Variants in SHOC2 observed in about 807,000 individuals in gnomAD.
SHOC2 encodes the protein leucine-rich repeat protein SHOC-2.
In SHOC2, 4 loss-of-function variants were observed where a neutral mutation model predicts 50.2. That is an observed-to-expected ratio of 0.08 (90% CI 0.04 to 0.18). SHOC2 has a LOEUF of 0.18. SHOC2 is among the 10% of genes least tolerant of loss of function. The pLI is 1.00. For synonymous variants in SHOC2, 218 were observed against 244.5 expected (o/e 0.89, Z 1.01); for missense variants, 388 against 669.6 (o/e 0.58, Z 4.64).
At position 110,974,649 on chromosome 10, in the gene SHOC2, G is replaced by C. The variant is rs140098196; in HGVS notation, c.703+9588G>C. The stretch of plus-strand genomic sequence containing the variant: ...ATTTATCTCAACTTTTGGCATATTA[G>C]TTACACATCTTTGTGGCGTTTTTTT... On this transcript the variant is annotated intron_variant, in intron 2 of 8. Coordinates refer to ENST00000369452, the MANE Select transcript of SHOC2 (RefSeq NM_007373.4). 2.6e-4 allele frequency among the ~76,000 whole-genome samples: 40 copies of C among 151,830 alleles called. No individual in the cohort carries two copies. In the East Asian group the frequency reaches 7.0e-3, roughly 26 times the overall value.
chr10:110,938,714 A>T (rs1847079016), intron 1 of SHOC2, among the ~76,000 whole-genome samples: 1 of 152,222 alleles, frequency 6.6e-6, no homozygotes, highest in Non-Finnish European at 1.5e-5. Flanking sequence ...AGCACTTCTT[A>T]TTCCAAACCT....
chr10:110,937,288 C>CT (rs1374748521), intron 1 of SHOC2: 1 of 746,648 alleles, frequency 1.3e-6, no homozygotes, highest in South Asian at 1.4e-5. Context: ...AATCCTGACT[C>CT]TGTGTTTCAG....
At chr10:110,989,666 C>T (rs976383170) in intron 3 of SHOC2, among the ~76,000 whole-genome samples, 9 of 152,126 alleles carry the variant, frequency 5.9e-5, no homozygotes, top group Non-Finnish European at 1.0e-4. Context: ...TTTTGCTTGG[C>T]CAGCCAAAGT....
intron 3 of SHOC2, among the ~76,000 whole-genome samples, chr10:110,988,265 A>T (rs902115320): frequency 6.6e-6 from 1 of 152,100 alleles, no homozygotes; most frequent in Non-Finnish European, 1.5e-5. Flanking sequence ...AATAGTTTGT[A>T]TGAAATTGCA....
Position 110,981,876 on chromosome 10 carries a change from T to TATTTATTTTTTTATTATACTC in SHOC2, c.704-3752_704-3751insATTTATTTTTTTATTATACTC, listed in dbSNP as rs1554859803. On this transcript the variant is annotated intron_variant, in intron 2 of 8. Transcript: ENST00000369452. ...TTTATTTATTTATTTATTTATTTTT[T>TATTTATTTTTTTATTATACTC]TAAGTTTTAGGGTACATGTGCACAT... Among the ~76,000 whole-genome samples, 1,016 of 135,382 alleles carry TATTTATTTTTTTATTATACTC rather than the reference T, an allele frequency of 7.5e-3. 3 individuals carry two copies. Among genetic ancestry groups the TATTTATTTTTTTATTATACTC allele is most frequent in the Non-Finnish European group, 0.011 (684 of 62,782 alleles). 88.8% of individuals were successfully genotyped at this position (135,382 alleles called of 152,430 possible).
intron 1 of SHOC2, among the ~76,000 whole-genome samples, chr10:110,962,107 C>A (rs985129559): frequency 1.3e-5 from 2 of 151,850 alleles, no homozygotes; most frequent in African/African-American, 4.8e-5. Context: ...CTTTTTATTT[C>A]TTTCCAAGTT....
chr10:111,001,945 A>AG (rs1848384175), intron 4 of SHOC2, among the ~76,000 whole-genome samples: 1 of 152,098 alleles, frequency 6.6e-6, no homozygotes, highest in African/African-American at 2.4e-5. Context: ...AGGCTGAGGT[A>AG]GGGGAATGGC....
chr10:110,936,345 C>T (rs914580536), intron 1 of SHOC2, among the ~76,000 whole-genome samples: 3 of 151,758 alleles, frequency 2.0e-5, no homozygotes, highest in Non-Finnish European at 4.4e-5. Flanking sequence ...TCAGGTGATC[C>T]GCCTGCCTTG....
chr10:111,001,841 C>G (rs374207255), intron 4 of SHOC2, among the ~76,000 whole-genome samples: 4 of 152,186 alleles, frequency 2.6e-5, no homozygotes, highest in South Asian at 4.1e-4. Context: ...AGCTTGAGAC[C>G]AGCCTGGCCA....
At chr10:110,958,003 C>T (rs754145952) in intron 1 of SHOC2, among the ~76,000 whole-genome samples, 3 of 152,164 alleles carry the variant, frequency 2.0e-5, no homozygotes, top group Non-Finnish European at 4.4e-5. Flanking sequence ...ACAAACTTGT[C>T]TGTAGCTGAA....
chr10:110,998,251 G>C (rs11593479), intron 3 of SHOC2, among the ~76,000 whole-genome samples: 8,876 of 151,954 alleles, frequency 0.058, 335 homozygotes, highest in African/African-American at 0.11. Flanking sequence ...CGCTTGCCTC[G>C]ACCTCCCAAA....
At chr10:110,979,913 G>A (rs1847942668) in intron 2 of SHOC2, among the ~76,000 whole-genome samples, 2 of 152,158 alleles carry the variant, frequency 1.3e-5, no homozygotes, top group South Asian at 2.1e-4. Context: ...TAGTCAAGGT[G>A]TAGCCTACTC....
intron 1 of SHOC2, among the ~76,000 whole-genome samples, chr10:110,929,384 G>T (rs1458586920): frequency 6.6e-6 from 1 of 152,108 alleles, no homozygotes; most frequent in East Asian, 1.9e-4. Context: ...TGATTTACAT[G>T]TTTGTGGTAT....
At chr10:110,980,634 G>A (rs1040779884) in intron 2 of SHOC2, among the ~76,000 whole-genome samples, 3 of 152,064 alleles carry the variant, frequency 2.0e-5, no homozygotes, top group African/African-American at 7.2e-5. Flanking sequence ...TGATTATCAT[G>A]GTTTGCTTCA....
chr10:110,973,551 C>G (rs1273651948), intron 2 of SHOC2, among the ~76,000 whole-genome samples: 1 of 151,932 alleles, frequency 6.6e-6, no homozygotes, highest in Non-Finnish European at 1.5e-5. Context: ...GTCCTCATAT[C>G]ATAGAATGAG....
At chr10:110,971,390 CTACTCTAT>C (rs1847779273) in intron 2 of SHOC2, among the ~76,000 whole-genome samples, 1 of 152,012 alleles carries the variant, frequency 6.6e-6, no homozygotes, top group Non-Finnish European at 1.5e-5. Flanking sequence ...TCTGGGTTCT[CTACTCTAT>C]TCAATTGATC....
At chr10:110,959,917 T>C (rs1027045792) in intron 1 of SHOC2, among the ~76,000 whole-genome samples, 2 of 152,242 alleles carry the variant, frequency 1.3e-5, no homozygotes, top group African/African-American at 4.8e-5. Flanking sequence ...GAATCCTTTA[T>C]TGGCTTTTTA....
At chr10:110,974,881 G>A (rs1260315178) in intron 2 of SHOC2, among the ~76,000 whole-genome samples, 1 of 151,628 alleles carries the variant, frequency 6.6e-6, no homozygotes, top group Admixed American at 6.6e-5. Context: ...ATACTATTTT[G>A]CTTTAAGGTT....
chr10:110,996,296 A>G (rs1848266326), intron 3 of SHOC2, among the ~76,000 whole-genome samples: 1 of 152,184 alleles, frequency 6.6e-6, no homozygotes, highest in Non-Finnish European at 1.5e-5. Context: ...TGGGAGGCTG[A>G]GGTGAGTGGA....
Sources: gnomAD v4.1 joint callset for allele counts (sites outside exome capture counted in the v4.1 genomes callset) on GRCh38, gnomAD v4.1.1 for gene constraint, MANE v1.5 for transcripts, NCBI Gene and HGNC (gene_info 2026-07-23, HGNC 2026-07-21) for gene names.